The following ELP4 variants were observed in gnomAD, a reference collection of about 807,000 sequenced individuals.
ELP4 encodes the protein elongator acetyltransferase complex subunit 4.
A neutral mutation model predicts 48.9 loss-of-function variants in ELP4; 51 were observed. That is an observed-to-expected ratio of 1.04 (90% confidence interval 0.83 to 1.32). The LOEUF (loss-of-function observed/expected upper bound fraction) is 1.32, where lower values mean the gene tolerates loss of function less well. Ranked by LOEUF, ELP4 falls within the 40% of genes most tolerant of loss-of-function variation. ELP4 has a pLI of 0.00. For missense variants in ELP4, 519 were observed against 514.6 expected, an observed-to-expected ratio of 1.01 and a Z score of -0.08; for synonymous variants, 210 against 189.2, an observed-to-expected ratio of 1.11 and a Z score of -0.90.
intron 1 of ELP4, among the ~76,000 whole-genome samples, chr11:31,517,868 T>C (rs975661084): frequency 6.6e-6 from 1 of 152,070 alleles, no homozygotes; most frequent in Non-Finnish European, 1.5e-5. Context: ...TCCACCCGTA[T>C]TGGCCTCCCA....
intron 9 of ELP4, among the ~76,000 whole-genome samples, chr11:31,753,717 A>T (rs1397322821): frequency 3.3e-5 from 5 of 152,230 alleles, no homozygotes; most frequent in Non-Finnish European, 7.3e-5. Flanking sequence ...TGAAACAGAA[A>T]AATATGAGAT....
intron 9 of ELP4, chr11:31,727,696 T>C (rs1947103426): frequency 1.3e-5 from 2 of 152,220 alleles, no homozygotes; most frequent in Admixed American, 6.5e-5. Context: ...ATGCCCATTA[T>C]CTATTATTAT....
intron 9 of ELP4, among the ~76,000 whole-genome samples, chr11:31,738,232 C>CAAAAA (rs57817538): frequency 1.9e-5 from 1 of 53,708 alleles, no homozygotes; most frequent in Admixed American, 2.4e-4. Flanking sequence ...CCATCTCTAC[C>CAAAAA]AAAAAAAAAA....
At chr11:31,757,092 CAT>C (rs1295747853) in intron 9 of ELP4, among the ~76,000 whole-genome samples, 1 of 152,188 alleles carries the variant, frequency 6.6e-6, no homozygotes, top group Admixed American at 6.5e-5. Flanking sequence ...TTTAAAACAA[CAT>C]GTGCCATCTT....
intron 9 of ELP4, among the ~76,000 whole-genome samples, chr11:31,778,964 G>A (rs1948308066): frequency 6.6e-6 from 1 of 152,038 alleles, no homozygotes; most frequent in Non-Finnish European, 1.5e-5. Context: ...TCCCACTTCG[G>A]CCTCCCAGAG....
chr11:31,743,868 C>G (rs1440765050), intron 9 of ELP4, among the ~76,000 whole-genome samples: 1 of 152,124 alleles, frequency 6.6e-6, no homozygotes, highest in Non-Finnish European at 1.5e-5. Context: ...CATTCAAAAG[C>G]TAGCAGAAGG....
chr11:31,602,315 C>G (rs1055920129), intron 4 of ELP4, among the ~76,000 whole-genome samples: 3 of 151,930 alleles, frequency 2.0e-5, no homozygotes, highest in Non-Finnish European at 4.4e-5. Flanking sequence ...TTGCTTTAGA[C>G]TAATAACTTT....
chr11:31,654,662 C>T (rs1016932534), intron 9 of ELP4: 10 of 151,812 alleles, frequency 6.6e-5, no homozygotes, highest in African/African-American at 2.4e-4. Context: ...TTACCAATTA[C>T]AGGACAGGGG....
intron 9 of ELP4, among the ~76,000 whole-genome samples, chr11:31,755,357 A>G (rs1283161995): frequency 6.6e-6 from 1 of 152,246 alleles, no homozygotes; most frequent in Non-Finnish European, 1.5e-5. Flanking sequence ...TAATGGGTAG[A>G]AATTTGAGCA....
At chr11:31,690,700 A>G (rs1391754205) in intron 9 of ELP4, among the ~76,000 whole-genome samples, 3 of 151,812 alleles carry the variant, frequency 2.0e-5, no homozygotes, top group Non-Finnish European at 2.9e-5. Flanking sequence ...CCTCTGGCCA[A>G]AAACAATAAA....
intron 3 of ELP4, among the ~76,000 whole-genome samples, chr11:31,556,871 A>G (rs1956937682): frequency 6.6e-6 from 1 of 151,914 alleles, no homozygotes; most frequent in South Asian, 2.1e-4. Context: ...TTATCAGCAT[A>G]TTAGAACTAC....
At chr11:31,583,462 G>A (rs1445721633) in intron 3 of ELP4, among the ~76,000 whole-genome samples, 1 of 152,130 alleles carries the variant, frequency 6.6e-6, no homozygotes, top group African/African-American at 2.4e-5. Context: ...TTAGCCAGGT[G>A]TGGTGGTGTG....
intron 9 of ELP4, among the ~76,000 whole-genome samples, chr11:31,734,179 G>A (rs1173807823): frequency 6.6e-6 from 1 of 152,136 alleles, no homozygotes; most frequent in African/African-American, 2.4e-5. Context: ...ACACTTTCAT[G>A]ATAAAAACAG....
Position 31,627,143 on chromosome 11 carries a change from G to T in ELP4, c.687G>T (p.Gln229His), listed in dbSNP as rs771328073. The T allele has an allele frequency of 9.3e-6, 15 of 1,606,746 alleles. No homozygotes were observed. In the South Asian group the frequency reaches 1.6e-4, roughly 17 times the overall value. Residue 229 changes from glutamine to histidine, a missense_variant, in exon 6 of 10, where the codon CAG (glutamine) becomes CAT (histidine). Coordinates refer to ENST00000640961, the MANE Select transcript of ELP4 (RefSeq NM_019040.5). ...CCCCTGGCTACACAAAGCTGCTTCA[G>T]TTTATCCAGAACATCATTTATGAGG... ...SLTPGYTKLLQFIQNIIYEEG... is the reference protein window; with the variant it reads ...SLTPGYTKLLHFIQNIIYEEG...
At chr11:31,752,727 G>A (rs988451135) in intron 9 of ELP4, among the ~76,000 whole-genome samples, 3 of 151,786 alleles carry the variant, frequency 2.0e-5, no homozygotes, top group South Asian at 2.1e-4. Context: ...CCAGCTACTC[G>A]GGAGGCTGAG....
At chr11:31,673,821 A>G (rs1281262742) in intron 9 of ELP4, among the ~76,000 whole-genome samples, 3 of 152,214 alleles carry the variant, frequency 2.0e-5, no homozygotes, top group East Asian at 1.9e-4. Context: ...AATTTCTTCT[A>G]TATAATATGA....
intron 3 of ELP4, among the ~76,000 whole-genome samples, chr11:31,550,882 C>G (rs1455707611): frequency 2.6e-5 from 4 of 152,176 alleles, no homozygotes; most frequent in African/African-American, 9.6e-5. Flanking sequence ...AAGCTATTGT[C>G]ATGACCTTTG....
chr11:31,539,986 A>C (rs1956567113), intron 3 of ELP4, among the ~76,000 whole-genome samples: 1 of 152,202 alleles, frequency 6.6e-6, no homozygotes, highest in South Asian at 2.1e-4. Context: ...TTTTTGAACA[A>C]ATTTTTTAAA....
At chr11:31,713,650 T>C (rs916275660) in intron 9 of ELP4, among the ~76,000 whole-genome samples, 3 of 152,168 alleles carry the variant, frequency 2.0e-5, no homozygotes, top group African/African-American at 7.2e-5. Context: ...ACTTTAGAGG[T>C]AAACTCAATT....
Sources: gnomAD v4.1 joint callset for allele counts (sites outside exome capture counted in the v4.1 genomes callset) on GRCh38, gnomAD v4.1.1 for gene constraint, MANE v1.5 for transcripts, NCBI Gene and HGNC (gene_info 2026-07-23, HGNC 2026-07-21) for gene names.